Variants in LRFN5 observed in about 807,000 individuals in gnomAD.
The protein encoded by LRFN5 is leucine-rich repeat and fibronectin type-III domain-containing protein 5.
Under a neutral mutation model 45.6 loss-of-function variants are expected in LRFN5, and 24 were observed. The ratio of observed to expected loss-of-function variants is 0.53; its 90% CI spans 0.38 to 0.74. LRFN5 has a LOEUF of 0.74. LRFN5 is among the 30% of genes least tolerant of loss of function. The pLI is 0.00. For missense variants in LRFN5, 776 were observed against 861.5 expected (o/e 0.90, Z 1.24); for synonymous variants, 340 against 313.8 (o/e 1.08, Z -0.88).
At chr14:41,801,195 A>T (rs896924561) in intron 2 of LRFN5, among the ~76,000 whole-genome samples, 1 of 152,212 alleles carries the variant, frequency 6.6e-6, no homozygotes, top group East Asian at 1.9e-4. Flanking sequence ...GTGTAAATAT[A>T]CACAAAAATA....
At chr14:41,850,685 C>T (rs1889236220) in intron 2 of LRFN5, among the ~76,000 whole-genome samples, 1 of 151,652 alleles carries the variant, frequency 6.6e-6, no homozygotes, top group Admixed American at 6.6e-5. Flanking sequence ...TTTCCATGAG[C>T]AATTTCAATT....
chr14:41,723,664 G>A (rs993856658), intron 1 of LRFN5, among the ~76,000 whole-genome samples: 3 of 151,994 alleles, frequency 2.0e-5, no homozygotes, highest in Admixed American at 1.3e-4. Context: ...TGCAAATCTC[G>A]TTGCCCAGGA....
intron 1 of LRFN5, among the ~76,000 whole-genome samples, chr14:41,639,809 G>A (rs1879482755): frequency 6.6e-6 from 1 of 151,724 alleles, no homozygotes; most frequent in Admixed American, 6.6e-5. Context: ...TTGAGATGTG[G>A]TCTTGCTTCA....
At chr14:41,696,610 A>G (rs1322340559) in intron 1 of LRFN5, among the ~76,000 whole-genome samples, 1 of 144,496 alleles carries the variant, frequency 6.9e-6, no homozygotes, top group East Asian at 2.2e-4. Context: ...TGGATTATAT[A>G]GTAGTTCTAA....
At chr14:41,816,343 A>G (rs1045142186) in intron 2 of LRFN5, among the ~76,000 whole-genome samples, 1 of 152,098 alleles carries the variant, frequency 6.6e-6, no homozygotes, top group African/African-American at 2.4e-5. Context: ...GAACAAGAAA[A>G]ATTAAAATTT....
At chr14:41,645,183 C>T (rs1343777784) in intron 1 of LRFN5, among the ~76,000 whole-genome samples, 1 of 152,142 alleles carries the variant, frequency 6.6e-6, no homozygotes, top group Non-Finnish European at 1.5e-5. Flanking sequence ...TAAAGTGTAG[C>T]ATAGTGCTTG....
intron 1 of LRFN5, among the ~76,000 whole-genome samples, chr14:41,638,018 C>A (rs183413237): frequency 4.5e-4 from 68 of 152,220 alleles, no homozygotes; most frequent in Non-Finnish European, 7.5e-4. Context: ...TGCAGCAACA[C>A]CAGATCCTCT....
rs1889797989 is a variant in LRFN5 at position 41,865,232 on chromosome 14, A to G, written c.-20-21374A>G. Among the ~76,000 whole-genome samples, 3 of 151,980 alleles carry G rather than the reference A, an allele frequency of 2.0e-5. 1 individual carries two copies. The highest frequency in any genetic ancestry group is 2.0e-4 in the Admixed American group (3 of 15,232). On this transcript the variant is annotated intron_variant, in intron 2 of 5. Transcript: ENST00000298119. ...ACCATACTCATCAGAACCACTCCCCATGCCCCATCCCCAACTCCATATAAC... is the reference window on the plus strand; with the variant it reads ...ACCATACTCATCAGAACCACTCCCCGTGCCCCATCCCCAACTCCATATAAC...
intron 1 of LRFN5, among the ~76,000 whole-genome samples, chr14:41,693,664 A>AT (rs1373372238): frequency 6.6e-6 from 1 of 151,790 alleles, no homozygotes; most frequent in Non-Finnish European, 1.5e-5. Flanking sequence ...GTATTCTGTG[A>AT]TTTTTTGATA....
intron 1 of LRFN5, among the ~76,000 whole-genome samples, chr14:41,674,580 G>A (rs1317976661): frequency 1.4e-5 from 2 of 147,728 alleles, no homozygotes; most frequent in South Asian, 2.2e-4. Flanking sequence ...TCTCCAGGAC[G>A]GGGCGGCTGG....
intron 1 of LRFN5, among the ~76,000 whole-genome samples, chr14:41,637,048 A>G (rs939346198): frequency 9.9e-5 from 15 of 152,180 alleles, no homozygotes; most frequent in African/African-American, 3.6e-4. Flanking sequence ...GTTACATTCC[A>G]CAAGAGAGAC....
At chr14:41,711,454 G>A (rs1483277513) in intron 1 of LRFN5, among the ~76,000 whole-genome samples, 1 of 152,060 alleles carries the variant, frequency 6.6e-6, no homozygotes, top group African/African-American at 2.4e-5. Flanking sequence ...CTGAATCATA[G>A]AGATAAGAAA....
At chr14:41,609,978 G>C (rs1026503097) in intron 1 of LRFN5, 2 of 152,600 alleles carry the variant, frequency 1.3e-5, no homozygotes, top group South Asian at 4.1e-4. Flanking sequence ...ACTCCTCTTC[G>C]AGTCTGGGCT....
chr14:41,834,473 A>T (rs1363785204), intron 2 of LRFN5, among the ~76,000 whole-genome samples: 1 of 152,104 alleles, frequency 6.6e-6, no homozygotes, highest in Non-Finnish European at 1.5e-5. Flanking sequence ...ATTAACATTC[A>T]CCTCTGCTCA....
chr14:41,848,039 CA>C (rs1278151061), intron 2 of LRFN5, among the ~76,000 whole-genome samples: 1 of 152,090 alleles, frequency 6.6e-6, no homozygotes, highest in Non-Finnish European at 1.5e-5. Flanking sequence ...AAGATTTGCC[CA>C]GGGGCAGATG....
intron 3 of LRFN5, among the ~76,000 whole-genome samples, chr14:41,890,692 G>A (rs1376258614): frequency 6.8e-6 from 1 of 147,766 alleles, no homozygotes; most frequent in African/African-American, 2.5e-5. Context: ...GGGCGACAGA[G>A]CGAGACTCCG....
Position 41,623,454 on chromosome 14 carries a change from A to C in LRFN5, c.-197+14892A>C, listed in dbSNP as rs544447009. ...CTTTATAGCAGTATGAAAATGGACTAAAAATGTGGGGATTTAAAAAAAATT... is the reference window on the plus strand; with the variant it reads ...CTTTATAGCAGTATGAAAATGGACTCAAAATGTGGGGATTTAAAAAAAATT... On this transcript the variant is annotated intron_variant, in intron 1 of 5. Coordinates refer to ENST00000298119, the MANE Select transcript of LRFN5 (RefSeq NM_152447.5). Among the ~76,000 whole-genome samples, 5 of 152,236 alleles carry C rather than the reference A, an allele frequency of 3.3e-5. No homozygotes were observed. The South Asian group carries it at 1.0e-3, about 32-fold the overall frequency.
At chr14:41,651,927 A>G (rs1880142625) in intron 1 of LRFN5, among the ~76,000 whole-genome samples, 1 of 152,074 alleles carries the variant, frequency 6.6e-6, no homozygotes, top group Non-Finnish European at 1.5e-5. Context: ...TTGTCTTAAT[A>G]TGTCTGTCTG....
At chr14:41,866,936 ATAT>A (rs1889860819) in intron 2 of LRFN5, among the ~76,000 whole-genome samples, 1 of 152,112 alleles carries the variant, frequency 6.6e-6, no homozygotes, top group Non-Finnish European at 1.5e-5. Flanking sequence ...ATATTGGATC[ATAT>A]TATTATATGG....
Sources: gnomAD v4.1 joint callset for allele counts (sites outside exome capture counted in the v4.1 genomes callset) on GRCh38, gnomAD v4.1.1 for gene constraint, MANE v1.5 for transcripts, NCBI Gene and HGNC (gene_info 2026-07-23, HGNC 2026-07-21) for gene names.